The following RTL9 variants were observed in gnomAD, a reference collection of about 807,000 sequenced individuals.
RTL9 encodes the protein retrotransposon Gag-like protein 9.
A neutral mutation model predicts 44.7 loss-of-function variants in RTL9; 19 were observed. The ratio of observed to expected loss-of-function variants is 0.42; its 90% CI spans 0.30 to 0.62. RTL9 has a LOEUF of 0.62. RTL9 is among the 20% of genes least tolerant of loss of function. The pLI is 0.16. For missense variants in RTL9, 1,105 were observed against 1,080.6 expected (o/e 1.02, Z -0.32); for synonymous variants, 407 against 398.9 (o/e 1.02, Z -0.24).
At chrX:110,361,036 G>A (rs2068259866) in intron 1 of RTL9, among the ~76,000 whole-genome samples, 1 of 110,365 alleles carries the variant, frequency 9.1e-6, no homozygotes, top group Non-Finnish European at 1.9e-5. Flanking sequence ...ATGCCCAATT[G>A]CCTGCTGGAC....
At chrX:110,385,509 C>A (rs1418272404) in intron 1 of RTL9, among the ~76,000 whole-genome samples, 1 of 111,466 alleles carries the variant, frequency 9.0e-6, no homozygotes, top group East Asian at 2.8e-4. Context: ...CCGTTTCCAT[C>A]CCTGAAGCTC....
At chrX:110,359,263 C>T (rs1035952457) in intron 1 of RTL9, among the ~76,000 whole-genome samples, 1 of 111,058 alleles carries the variant, frequency 9.0e-6, no homozygotes, top group Non-Finnish European at 1.9e-5. Context: ...CTGGGCAAGT[C>T]TACTTTGCTA....
chrX:110,411,117 G>T (rs1021772094), intron 1 of RTL9, among the ~76,000 whole-genome samples: 2 of 112,212 alleles, frequency 1.8e-5, no homozygotes, highest in African/African-American at 6.5e-5. Flanking sequence ...CTGAGCAAGA[G>T]AAGTCAGGGG....
upstream of RTL9, among the ~76,000 whole-genome samples, chrX:110,446,444 G>A (rs1357011933): frequency 9.0e-6 from 1 of 110,921 alleles, no homozygotes; most frequent in Admixed American, 9.5e-5. Context: ...TTCCTAGAGA[G>A]AGCTTGCAAG....
intron 1 of RTL9, among the ~76,000 whole-genome samples, chrX:110,399,304 T>G (rs1273409968): frequency 8.9e-6 from 1 of 112,179 alleles, no homozygotes; most frequent in African/African-American, 3.2e-5. Flanking sequence ...TCAGTGAATT[T>G]TAAAAACTTA....
At chrX:110,420,861 G>A (rs892019713) in intron 1 of RTL9, among the ~76,000 whole-genome samples, 2 of 111,244 alleles carry the variant, frequency 1.8e-5, no homozygotes, top group African/African-American at 6.5e-5. Flanking sequence ...GCAGGTTTCC[G>A]ATCCTCAGCA....
intron 1 of RTL9, among the ~76,000 whole-genome samples, chrX:110,423,564 C>G (rs559706973): frequency 8.9e-6 from 1 of 111,821 alleles, no homozygotes; most frequent in Admixed American, 9.4e-5. Context: ...ACCACTTTAA[C>G]TCAGTTTTTC....
exon 1 of RTL9, chrX:110,450,760 T>G: frequency 8.3e-7 from 1 of 1,211,824 alleles, no homozygotes; most frequent in Non-Finnish European, 1.1e-6. Context: ...CATGTACAGT[T>G]GCCTATAGTC....
At chrX:110,394,930 C>T (rs2068518920) in intron 1 of RTL9, among the ~76,000 whole-genome samples, 1 of 112,893 alleles carries the variant, frequency 8.9e-6, no homozygotes, top group African/African-American at 3.2e-5. Context: ...GTGCCAGCCT[C>T]AGGCTTATAC....
intron 1 of RTL9, among the ~76,000 whole-genome samples, chrX:110,402,641 G>A (rs2068573024): frequency 2.7e-5 from 3 of 112,771 alleles, no homozygotes; most frequent in African/African-American, 9.7e-5. Context: ...CTCAGAGGGA[G>A]TGGCTGGAGG....
At chrX:110,438,884 A>T (rs1035910003) in intron 1 of RTL9, among the ~76,000 whole-genome samples, 4 of 112,238 alleles carry the variant, frequency 3.6e-5, no homozygotes, top group Admixed American at 2.8e-4. Flanking sequence ...TAAAAGGGCA[A>T]AATATGCTTG....
intron 1 of RTL9, 69 bp downstream of exon 3, chrX:110,454,733 C>A: frequency 1.1e-6 from 1 of 943,568 alleles, no homozygotes; most frequent in Non-Finnish European, 1.4e-6. Context: ...GGGAATACAT[C>A]CTGCTTCCTT....
chrX:110,428,833 G>A (rs908537229), intron 1 of RTL9, among the ~76,000 whole-genome samples: 4 of 112,176 alleles, frequency 3.6e-5, no homozygotes, highest in Non-Finnish European at 7.5e-5. Context: ...GGAACCCCGT[G>A]TTAAAATATA....
intron 1 of RTL9, among the ~76,000 whole-genome samples, chrX:110,412,658 A>G (rs1319787010): frequency 8.9e-6 from 1 of 112,738 alleles, no homozygotes; most frequent in Non-Finnish European, 1.9e-5. Flanking sequence ...ACACATTACT[A>G]TTCCAACTAC....
chrX:110,394,523 G>A (rs1218411084), intron 1 of RTL9, among the ~76,000 whole-genome samples: 2 of 112,648 alleles, frequency 1.8e-5, no homozygotes, highest in African/African-American at 6.5e-5. Flanking sequence ...GAAATATGCT[G>A]TGGGTACTTA....
intron 1 of RTL9, among the ~76,000 whole-genome samples, chrX:110,429,450 G>T (rs1484292749): frequency 9.8e-6 from 1 of 102,210 alleles, no homozygotes; most frequent in Non-Finnish European, 1.9e-5. Context: ...GATACTTAGA[G>T]AAAAAGTGTT....
intron 1 of RTL9, among the ~76,000 whole-genome samples, chrX:110,402,536 G>A (rs1181694996): frequency 8.9e-6 from 1 of 112,761 alleles, no homozygotes; most frequent in African/African-American, 3.2e-5. Flanking sequence ...TCAGCTGACT[G>A]AGAGCTGTGT....
intron 1 of RTL9, among the ~76,000 whole-genome samples, chrX:110,395,662 T>C (rs2068523853): frequency 9.0e-6 from 1 of 111,640 alleles, no homozygotes; most frequent in Non-Finnish European, 1.9e-5. Context: ...TTCAATTACA[T>C]AATCCTAATC....
At chrX:110,371,519 C>T (rs1041269953) in intron 1 of RTL9, among the ~76,000 whole-genome samples, 5 of 111,060 alleles carry the variant, frequency 4.5e-5, no homozygotes, top group African/African-American at 1.6e-4. Flanking sequence ...ATTGACCATC[C>T]CCAACTCCCC....
Sources: gnomAD v4.1 joint callset for allele counts (sites outside exome capture counted in the v4.1 genomes callset) on GRCh38, gnomAD v4.1.1 for gene constraint, MANE v1.5 for transcripts, NCBI Gene and HGNC (gene_info 2026-07-23, HGNC 2026-07-21) for gene names.